Variants in STK40 observed in about 807,000 individuals in gnomAD.
The protein encoded by STK40 is serine/threonine-protein kinase 40.
A neutral mutation model predicts 47.9 loss-of-function variants in STK40; 13 were observed. The observed-to-expected ratio is 0.27, with a 90% CI of 0.18 to 0.43. STK40 has a LOEUF of 0.43. STK40 is among the 20% of genes least tolerant of loss of function. The pLI, the probability that STK40 is intolerant of heterozygous loss-of-function variation, is 1.00. For missense variants in STK40, 460 were observed against 595.1 expected, an observed-to-expected ratio of 0.77 and a Z score of 2.36; for synonymous variants, 225 against 243.2, an observed-to-expected ratio of 0.93 and a Z score of 0.69.
chr1:36,349,229 AG>A (rs1465584420), intron 6 of STK40, among the ~76,000 whole-genome samples: 1 of 152,226 alleles, frequency 6.6e-6, no homozygotes, highest in Non-Finnish European at 1.5e-5. Context: ...CATGAGGAAA[AG>A]GAAGTCCAGC....
intron 1 of STK40, among the ~76,000 whole-genome samples, chr1:36,377,215 A>G (rs1417157306): frequency 6.6e-6 from 1 of 151,894 alleles, no homozygotes; most frequent in Non-Finnish European, 1.5e-5. Context: ...AAATCTAAAG[A>G]TTTTCTGAAC....
intron 1 of STK40, among the ~76,000 whole-genome samples, chr1:36,376,151 G>A (rs1646990664): frequency 6.6e-6 from 1 of 152,224 alleles, no homozygotes. Flanking sequence ...GAAAAGCCAA[G>A]AGCAGGCGAT....
chr1:36,358,712 A>G, intron 3 of STK40, 25 bp downstream of exon 3: 1 of 1,612,626 alleles, frequency 6.2e-7, no homozygotes, highest in South Asian at 1.1e-5. Flanking sequence ...TTCCTGAGGC[A>G]CCCTCACCCC....
At position 36,341,893 on chromosome 1, in the gene STK40, G is replaced by A. The variant is rs202016833; in HGVS notation, c.1170C>T (p.Ser390=). 3 of 1,614,048 alleles carry A rather than the reference G, an allele frequency of 1.9e-6. No homozygotes were observed. Among genetic ancestry groups the A allele is most frequent in the East Asian group, 4.5e-5 (2 of 44,880 alleles). ...RQQLLLAEEK[S]SIHDARSWVP... is the part of the protein sequence containing the mutation. ...CCCAGCTCCGGGCGTCATGGATGGA[G>A]CTCTTCTCCTCGGCCAGCAGCAGCT... Residue 390 remains serine, a synonymous_variant, in exon 11 of 11, where the codon AGC becomes AGT. Coordinates refer to ENST00000373132, the MANE Select transcript of STK40 (RefSeq NM_001282547.2).
At position 36,361,237 on chromosome 1, in the gene STK40, A is replaced by G. The variant is rs1281894267; in HGVS notation, c.96T>C (p.Ala32=). 1 of 1,614,200 alleles carries G rather than the reference A, an allele frequency of 6.2e-7. No homozygotes were observed. Among genetic ancestry groups the G allele is most frequent in the East Asian group, 2.2e-5 (1 of 44,890 alleles). ...SGISGNNAKR[A]GPFILGPRLG... Reference sequence around the variant, plus strand: ...GAGGCTTACCAAGGATGAATGGTCCAGCTCTCTTTGCATTATTTCCAGAAA... The same window carrying G: ...GAGGCTTACCAAGGATGAATGGTCCGGCTCTCTTTGCATTATTTCCAGAAA... The change falls in exon 2 of 11, where the codon GCT becomes GCC. Residue 32 remains alanine (A), a synonymous_variant. Transcript: ENST00000373132.
intron 1 of STK40, among the ~76,000 whole-genome samples, chr1:36,368,790 C>G (rs1387651065): frequency 1.3e-5 from 2 of 152,170 alleles, no homozygotes; most frequent in Non-Finnish European, 2.9e-5. Context: ...CTGGTAAAAT[C>G]TGAATATAGA....
chr1:36,366,512 A>C (rs1646903398), intron 1 of STK40, among the ~76,000 whole-genome samples: 1 of 152,116 alleles, frequency 6.6e-6, no homozygotes, highest in Non-Finnish European at 1.5e-5. Flanking sequence ...GTGAGCAAAG[A>C]CACAGCTCCC....
intron 6 of STK40, 28 bp from the exon 7 acceptor site, chr1:36,348,843 C>T: frequency 1.3e-6 from 2 of 1,563,914 alleles, no homozygotes; most frequent in East Asian, 2.4e-5. Flanking sequence ...AGTGAACAAA[C>T]CTCAGTGTCT....
At position 36,354,044 on chromosome 1, in the gene STK40, C is replaced by T. The variant is rs557631624; in HGVS notation, c.623+320G>A. Among the ~76,000 whole-genome samples the T allele has an allele frequency of 3.5e-3, 530 of 152,238 alleles. 2 individuals carry two copies. The highest frequency in any genetic ancestry group is 6.6e-3 in the Admixed American group (101 of 15,288). On this transcript the variant is annotated intron_variant, in intron 6 of 10. Coordinates refer to ENST00000373132, the MANE Select transcript of STK40 (RefSeq NM_001282547.2). ...CCTCCCAAAGTGCTGGGATTACAGG[C>T]GGGAGCCACCGCACCTGACCATTTA...
At chr1:36,354,480 G>A in intron 5 of STK40, 64 bp from the exon 6 acceptor site, 19 of 1,541,372 alleles carry the variant, frequency 1.2e-5, no homozygotes, top group Non-Finnish European at 1.7e-5. Flanking sequence ...GGCCCACCCT[G>A]TAAGATGGGG....
At chr1:36,344,645 C>T (rs531475073) in intron 7 of STK40, among the ~76,000 whole-genome samples, 1 of 152,200 alleles carries the variant, frequency 6.6e-6, no homozygotes, top group African/African-American at 2.4e-5. Context: ...GTCCCCACAC[C>T]CCACCTGCCT....
At chr1:36,383,869 C>T (rs536558151) in intron 1 of STK40, among the ~76,000 whole-genome samples, 4 of 152,124 alleles carry the variant, frequency 2.6e-5, no homozygotes, top group African/African-American at 9.6e-5. Flanking sequence ...TAAGCCTCCC[C>T]TCCTCTCCTT....
chr1:36,365,676 CA>C (rs1646895753), intron 1 of STK40, among the ~76,000 whole-genome samples: 1 of 152,212 alleles, frequency 6.6e-6, no homozygotes, highest in Non-Finnish European at 1.5e-5. Flanking sequence ...AACTCCTACG[CA>C]TCCTTCTCAA....
chr1:36,363,109 C>T (rs1400727297), intron 1 of STK40, among the ~76,000 whole-genome samples: 1 of 152,022 alleles, frequency 6.6e-6, no homozygotes, highest in African/African-American at 2.4e-5. Flanking sequence ...GAGCTGAGAT[C>T]ACGCCACTGC....
intron 7 of STK40, 100 bp downstream of exon 7, chr1:36,348,600 A>G: frequency 9.2e-7 from 1 of 1,081,208 alleles, no homozygotes; most frequent in Non-Finnish European, 1.4e-6. Flanking sequence ...GTGAAGCCCC[A>G]GCACCTTGCC....
chr1:36,349,898 T>C (rs1449532811), intron 6 of STK40, among the ~76,000 whole-genome samples: 2 of 151,978 alleles, frequency 1.3e-5, no homozygotes, highest in Non-Finnish European at 2.9e-5. Flanking sequence ...GTGGAGAAGC[T>C]AGGGGGAGAA....
chr1:36,363,069 C>T (rs1048564274), intron 1 of STK40, among the ~76,000 whole-genome samples: 11 of 152,094 alleles, frequency 7.2e-5, no homozygotes, highest in African/African-American at 1.2e-4. Context: ...GCACGAGAAT[C>T]GCTTGAACCC....
At chr1:36,359,038 T>C (rs575067653) in intron 2 of STK40, among the ~76,000 whole-genome samples, 5 of 152,288 alleles carry the variant, frequency 3.3e-5, no homozygotes, top group African/African-American at 1.2e-4. Context: ...CATCCAGCTT[T>C]TGCAAACACA....
At chr1:36,364,582 T>A (rs1315573198) in intron 1 of STK40, among the ~76,000 whole-genome samples, 1 of 152,210 alleles carries the variant, frequency 6.6e-6, no homozygotes, top group Non-Finnish European at 1.5e-5. Context: ...TTAGTGTTAC[T>A]GATTTTTAGA....
Sources: gnomAD v4.1 joint callset for allele counts (sites outside exome capture counted in the v4.1 genomes callset) on GRCh38, gnomAD v4.1.1 for gene constraint, MANE v1.5 for transcripts, NCBI Gene and HGNC (gene_info 2026-07-23, HGNC 2026-07-21) for gene names.